Variants in CAMK2G observed in about 807,000 individuals in gnomAD.
CAMK2G encodes calcium/calmodulin-dependent protein kinase type II subunit gamma.
In CAMK2G, 23 loss-of-function variants were observed where a neutral mutation model predicts 88.7. The ratio of observed to expected loss-of-function variants is 0.26; its 90% confidence interval spans 0.19 to 0.37. The LOEUF is 0.37. Among genes scored for constraint, CAMK2G ranks in the 10% least tolerant of loss-of-function variants. CAMK2G has a pLI of 1.00. For synonymous variants in CAMK2G, 263 were observed against 294.8 expected (o/e 0.89, Z 1.11); for missense variants, 476 against 780.8 (o/e 0.61, Z 4.65).
At chr10:73,864,199 A>C (rs918302277) in intron 2 of CAMK2G, among the ~76,000 whole-genome samples, 1 of 152,060 alleles carries the variant, frequency 6.6e-6, no homozygotes, top group African/African-American at 2.4e-5. Context: ...AAAATACAAA[A>C]TTTAGCCAAA....
intron 14 of CAMK2G, among the ~76,000 whole-genome samples, chr10:73,833,702 G>C (rs918700643): frequency 7.3e-5 from 11 of 150,582 alleles, no homozygotes; most frequent in Non-Finnish European, 1.6e-4. Flanking sequence ...AGGTTCAAGT[G>C]ATTCTCCTAT....
chr10:73,830,412 C>A (rs1480307357), intron 14 of CAMK2G, among the ~76,000 whole-genome samples: 2 of 152,200 alleles, frequency 1.3e-5, no homozygotes, highest in Non-Finnish European at 2.9e-5. Context: ...GCTAGGACTA[C>A]AGGTGCACAC....
intron 15 of CAMK2G, among the ~76,000 whole-genome samples, chr10:73,826,614 T>C (rs1016331408): frequency 2.0e-5 from 3 of 152,164 alleles, no homozygotes; most frequent in African/African-American, 7.2e-5. Flanking sequence ...TGAGTTCCAG[T>C]GGGGTTGGGG....
At chr10:73,821,659 C>G in intron 18 of CAMK2G, 23 bp downstream of exon 18, 18 of 1,596,450 alleles carry the variant, frequency 1.1e-5, no homozygotes, top group Non-Finnish European at 1.5e-5. Context: ...GGAGTCCTTC[C>G]CCCTCCAAGG....
At chr10:73,822,047 C>G (rs2089051343) in intron 17 of CAMK2G, among the ~76,000 whole-genome samples, 1 of 152,200 alleles carries the variant, frequency 6.6e-6, no homozygotes, top group Non-Finnish European at 1.5e-5. Context: ...AAGTAAACCC[C>G]ATGTCTTACC....
Position 73,848,967 on chromosome 10 carries a change from G to C in CAMK2G, c.517+46C>G. 1 of 1,179,756 alleles carries C rather than the reference G, an allele frequency of 8.5e-7. No homozygotes were observed. The highest frequency in any genetic ancestry group is 1.3e-6 in the Non-Finnish European group (1 of 783,274). The allele number at this position is 1,179,756 out of a possible 1,614,324, so 73.1% of individuals were successfully genotyped here. On this transcript the variant is annotated intron_variant, in intron 7 of 22. Transcript: ENST00000423381. The surrounding 1 kb of genome is among the most constrained non-coding windows in gnomAD (Gnocchi z 4.5). Reference sequence around the variant, plus strand: ...ATAGAGGAAGGCAGATCAGGAAGAGGAGGAAGGGCGGGGGCTGCATTCCGG... The same window carrying C: ...ATAGAGGAAGGCAGATCAGGAAGAGCAGGAAGGGCGGGGGCTGCATTCCGG...
intron 3 of CAMK2G, among the ~76,000 whole-genome samples, chr10:73,857,034 G>A (rs914091426): frequency 2.0e-5 from 3 of 152,248 alleles, no homozygotes; most frequent in African/African-American, 7.2e-5. Context: ...GTGGGGGACT[G>A]AGCTGCCCCC....
At chr10:73,815,659 G>A (rs1285905634) in intron 21 of CAMK2G, among the ~76,000 whole-genome samples, 1 of 152,174 alleles carries the variant, frequency 6.6e-6, no homozygotes, top group Non-Finnish European at 1.5e-5. Flanking sequence ...TTTCTATTCT[G>A]TTAGGCTGAG....
At position 73,820,500 on chromosome 10, in the gene CAMK2G, T is replaced by A. The variant is rs1437741170; in HGVS notation, c.1250-855A>T. Among the ~76,000 whole-genome samples the A allele has an allele frequency of 3.5e-4, 40 of 114,450 alleles. No individual in the cohort carries two copies. In the South Asian group the frequency reaches 8.1e-3, roughly 23 times the overall value. The allele number at this position is 114,450 out of a possible 152,430, so 75.1% of individuals were successfully genotyped here. A position where few individuals can be genotyped will look rare whatever the true frequency, so the allele number is the denominator to read the frequency against. On this transcript the variant is annotated intron_variant, in intron 18 of 22. Coordinates refer to ENST00000423381, the MANE Select transcript of CAMK2G (RefSeq NM_001367534.1). ...TATATATATATATATATATTTTTTTTTTTTTTTTTTTCTTGAGACAGAGTC... is the reference window on the plus strand; with the variant it reads ...TATATATATATATATATATTTTTTTATTTTTTTTTTTCTTGAGACAGAGTC...
intron 19 of CAMK2G, chr10:73,818,591 C>T: frequency 2.3e-6 from 1 of 428,334 alleles, no homozygotes; most frequent in Non-Finnish European, 4.7e-6. Flanking sequence ...CCAAGCAGCA[C>T]AGTTGGGACA....
chr10:73,858,926 A>G (rs548768767), intron 3 of CAMK2G, among the ~76,000 whole-genome samples: 100 of 152,282 alleles, frequency 6.6e-4, no homozygotes, highest in Middle Eastern at 3.4e-3. Context: ...CAACCCGCCC[A>G]TGGTCAACCC....
rs181709875 is a variant in CAMK2G, at chr10:73,858,566, G to A, written c.220+2264C>T. Reference sequence around the variant, plus strand: ...TCTGCCCACCCTCAACCCCAGAATCGGTCCTCGGACCAACCTCCTTAGGAC... The same window carrying A: ...TCTGCCCACCCTCAACCCCAGAATCAGTCCTCGGACCAACCTCCTTAGGAC... On this transcript the variant is annotated intron_variant, in intron 3 of 22. Transcript: ENST00000423381. 1.6e-4 allele frequency among the ~76,000 whole-genome samples: 24 copies of A among 152,142 alleles called. No individual in the cohort carries two copies. The East Asian group carries it at 4.3e-3, about 27-fold the overall frequency.
At chr10:73,873,152 TG>T in intron 1 of CAMK2G, 69 bp from the exon 2 acceptor site, 2 of 1,159,548 alleles carry the variant, frequency 1.7e-6, no homozygotes. Context: ...ACTTCAAGTC[TG>T]GGGACGATGA....
chr10:73,838,513 T>C (rs540307312), intron 13 of CAMK2G, among the ~76,000 whole-genome samples: 21 of 152,314 alleles, frequency 1.4e-4, no homozygotes, highest in African/African-American at 5.1e-4. Flanking sequence ...GCCTGGCATA[T>C]AGCAAGTACT....
rs781353335 is a variant in CAMK2G, at chr10:73,842,161, A to G, written c.946+8T>C. The G allele has an allele frequency of 1.9e-6, 3 of 1,609,644 alleles. No individual in the cohort carries two copies. The highest frequency in any genetic ancestry group is 4.5e-5 in the East Asian group (2 of 44,856). ...GCATAATCAAAGTACACAGCTGGGA[A>G]AACATACCTGAGAAGTTCCTGGAGA... is the stretch of plus-strand genomic sequence containing the variant. On this transcript the variant is annotated splice_region_variant and intron_variant, in intron 12 of 22. Coordinates refer to ENST00000423381, the MANE Select transcript of CAMK2G (RefSeq NM_001367534.1). The surrounding 1 kb of genome is among the most constrained non-coding windows in gnomAD (Gnocchi z 4.6).
chr10:73,824,158 C>T (rs2133549596), intron 16 of CAMK2G, 74 bp from the exon 17 acceptor site: 2 of 1,101,334 alleles, frequency 1.8e-6, no homozygotes, highest in Non-Finnish European at 2.8e-6. Flanking sequence ...GCCCCACCTG[C>T]ACCCCAGGAC....
At chr10:73,851,408 C>T (rs2094603382) in intron 5 of CAMK2G, among the ~76,000 whole-genome samples, 1 of 152,090 alleles carries the variant, frequency 6.6e-6, no homozygotes, top group African/African-American at 2.4e-5. Context: ...GGGGAACGGT[C>T]CTCAAGTTGG....
At chr10:73,824,018 G>C in intron 17 of CAMK2G, 22 bp downstream of exon 17, 1 of 1,605,634 alleles carries the variant, frequency 6.2e-7, no homozygotes, top group South Asian at 1.1e-5. Flanking sequence ...GAAAGCAGGA[G>C]GCAGGCTCAG....
At chr10:73,820,492 A>ATATTTT (rs1554995765) in intron 18 of CAMK2G, among the ~76,000 whole-genome samples, 23 of 51,062 alleles carry the variant, frequency 4.5e-4, no homozygotes, top group African/African-American at 1.1e-3. Flanking sequence ...ATATATATAT[A>ATATTTT]TTTTTTTTTT....
Sources: allele counts gnomAD v4.1 joint callset (sites outside exome capture counted in the v4.1 genomes callset), GRCh38; gene constraint gnomAD v4.1.1; non-coding constraint Gnocchi (gnomAD v3.1); transcripts MANE v1.5; gene names NCBI Gene and HGNC (gene_info 2026-07-23, HGNC 2026-07-21).